Variants in PLSCR2 observed in about 807,000 individuals in gnomAD.
The protein encoded by PLSCR2 is phospholipid scramblase 2, also known as PL scramblase 2.
PLSCR2 carries 18 observed loss-of-function variants against 25.3 expected under a neutral mutation model. The ratio of observed to expected loss-of-function variants is 0.71; its 90% CI spans 0.49 to 1.06. The LOEUF is 1.06. Among genes scored for constraint, PLSCR2 ranks in the 50% least tolerant of loss-of-function variants. PLSCR2 has a pLI of 0.00. For missense variants in PLSCR2, 243 were observed against 269.5 expected (o/e 0.90, Z 0.69); for synonymous variants, 88 against 87.3 (o/e 1.01, Z -0.04).
chr3:146,473,019 C>T (rs2042168417), intron 1 of PLSCR2, among the ~76,000 whole-genome samples: 1 of 152,158 alleles, frequency 6.6e-6, no homozygotes, highest in African/African-American at 2.4e-5. Flanking sequence ...GAATTTTTAA[C>T]CTTTCCTTAA....
chr3:146,456,511 T>C (rs1237993204), intron 3 of PLSCR2, among the ~76,000 whole-genome samples: 1 of 152,230 alleles, frequency 6.6e-6, no homozygotes, highest in Non-Finnish European at 1.5e-5. Context: ...TCATCTATTA[T>C]CCAACTAATT....
chr3:146,410,233 G>A (rs533399975), intron 2 of PLSCR2, among the ~76,000 whole-genome samples: 3 of 152,282 alleles, frequency 2.0e-5, no homozygotes, highest in African/African-American at 4.8e-5. Flanking sequence ...CTTAAGATGA[G>A]AGAGTAGCCA....
intron 1 of PLSCR2, chr3:146,495,823 G>A: frequency 8.5e-7 from 1 of 1,177,416 alleles, no homozygotes; most frequent in Non-Finnish European, 1.2e-6. Context: ...TAAACAAAAG[G>A]GAGTATGTAG....
intron 3 of PLSCR2, among the ~76,000 whole-genome samples, chr3:146,457,617 C>G (rs1343655105): frequency 6.6e-6 from 1 of 152,188 alleles, no homozygotes; most frequent in African/African-American, 2.4e-5. Flanking sequence ...TGGGAAGGAA[C>G]AGCAATTTTC....
At chr3:146,405,761 G>C (rs2038642051) in intron 2 of PLSCR2, among the ~76,000 whole-genome samples, 1 of 152,198 alleles carries the variant, frequency 6.6e-6, no homozygotes, top group African/African-American at 2.4e-5. Flanking sequence ...AGTGATTAGA[G>C]TAGCTAACCA....
intron 1 of PLSCR2, among the ~76,000 whole-genome samples, chr3:146,482,700 A>G (rs567154): frequency 0.24 from 36,232 of 152,178 alleles, 4,361 homozygotes; most frequent in South Asian, 0.36. Flanking sequence ...TAGAAATACC[A>G]TTTGACCCAG....
At chr3:146,402,712 C>A (rs2108005159) in intron 2 of PLSCR2, among the ~76,000 whole-genome samples, 1 of 152,210 alleles carries the variant, frequency 6.6e-6, no homozygotes. Context: ...TAATGATCGG[C>A]CCACCTCTGC....
chr3:146,410,990 C>T (rs891129056), intron 2 of PLSCR2, among the ~76,000 whole-genome samples: 3 of 152,266 alleles, frequency 2.0e-5, no homozygotes, highest in African/African-American at 7.2e-5. Context: ...AACTCCGTAG[C>T]TTTCACTGTG....
chr3:146,399,444 A>AAC (rs1284683682), intron 2 of PLSCR2, among the ~76,000 whole-genome samples: 1 of 151,260 alleles, frequency 6.6e-6, no homozygotes, highest in Admixed American at 6.6e-5. Context: ...ATTATGTTAA[A>AAC]ACACACACAC....
chr3:146,468,909 G>C (rs2041985605), intron 1 of PLSCR2, among the ~76,000 whole-genome samples: 2 of 152,202 alleles, frequency 1.3e-5, no homozygotes, highest in African/African-American at 4.8e-5. Context: ...TGAGGCAATG[G>C]AAAGAACATA....
intron 2 of PLSCR2, among the ~76,000 whole-genome samples, chr3:146,415,983 C>T (rs1302054446): frequency 2.0e-5 from 3 of 152,036 alleles, no homozygotes; most frequent in African/African-American, 7.2e-5. Context: ...CAGAGTCTAG[C>T]TCTGTCACCC....
At chr3:146,429,864 A>G (rs545894870), downstream of PLSCR2, among the ~76,000 whole-genome samples, 2 of 152,198 alleles carry the variant, frequency 1.3e-5, no homozygotes, top group Admixed American at 6.5e-5. Context: ...TGACCGTGTG[A>G]TCCGCCCACC....
upstream of PLSCR2, among the ~76,000 whole-genome samples, chr3:146,462,787 C>T (rs755882923): frequency 6.6e-6 from 1 of 151,994 alleles, no homozygotes; most frequent in Non-Finnish European, 1.5e-5. Flanking sequence ...TTTCCAAAAG[C>T]CTTTAGGAAG....
intron 1 of PLSCR2, among the ~76,000 whole-genome samples, chr3:146,468,899 T>C (rs1253535826): frequency 6.6e-6 from 1 of 152,170 alleles, no homozygotes; most frequent in African/African-American, 2.4e-5. Context: ...ATTTCAGAAA[T>C]GAGGCAATGG....
intron 2 of PLSCR2, among the ~76,000 whole-genome samples, chr3:146,410,417 A>AT (rs1472505102): frequency 6.6e-6 from 1 of 152,228 alleles, no homozygotes; most frequent in African/African-American, 2.4e-5. Context: ...AGGAGGTCCA[A>AT]TCACTTGGAT....
At chr3:146,395,493 A>G (rs2038243352) in intron 3 of PLSCR2, among the ~76,000 whole-genome samples, 1 of 152,192 alleles carries the variant, frequency 6.6e-6, no homozygotes, top group South Asian at 2.1e-4. Flanking sequence ...CACTGAATGA[A>G]CCATATTTTT....
intron 1 of PLSCR2, among the ~76,000 whole-genome samples, chr3:146,482,289 A>G (rs916118943): frequency 1.4e-4 from 22 of 152,326 alleles, no homozygotes; most frequent in South Asian, 6.2e-4. Flanking sequence ...TGAGCAGGCA[A>G]CCTACAGAAT....
chr3:146,456,859 G>A lies in PLSCR2; in HGVS notation c.101-1400C>T, dbSNP rs1476601558. 4.0e-5 allele frequency among the ~76,000 whole-genome samples: 6 copies of A among 151,882 alleles called. No individual in the cohort carries two copies. The South Asian group carries it at 8.3e-4, about 21-fold the overall frequency. On this transcript the variant is annotated intron_variant, in intron 3 of 6. Transcript: ENST00000610787. ...TAAAAACTGGTAAATGTGGAACTTC[G>A]TATTTTTCAATGAAGCACATATATT...
downstream of PLSCR2, among the ~76,000 whole-genome samples, chr3:146,430,958 T>C (rs1369518854): frequency 1.3e-5 from 2 of 152,102 alleles, no homozygotes; most frequent in African/African-American, 4.8e-5. Flanking sequence ...CCTACTGACC[T>C]TCCATGCACT....
Sources: allele counts gnomAD v4.1 joint callset (sites outside exome capture counted in the v4.1 genomes callset), GRCh38; gene constraint gnomAD v4.1.1; transcripts MANE v1.5; gene names NCBI Gene and HGNC (gene_info 2026-07-23, HGNC 2026-07-21).